The following PDSS2 variants were observed in gnomAD, a reference collection of about 807,000 sequenced individuals.
PDSS2 encodes the protein decaprenyl diphosphate synthase subunit 2.
A neutral mutation model predicts 44.5 loss-of-function variants in PDSS2; 31 were observed. The observed-to-expected ratio is 0.70, with a 90% CI of 0.52 to 0.94. The LOEUF is 0.94. PDSS2 is among the 40% of genes least tolerant of loss of function. PDSS2 has a pLI of 0.00. For missense variants in PDSS2, 452 were observed against 482.2 expected (o/e 0.94, Z 0.59); for synonymous variants, 157 against 180.3 (o/e 0.87, Z 1.03).
chr6:107,372,983 C>CT (rs11330558), intron 1 of PDSS2, among the ~76,000 whole-genome samples: 249 of 136,046 alleles, frequency 1.8e-3, no homozygotes, highest in Middle Eastern at 7.7e-3. Context: ...GTCTAATAAT[C>CT]TTTTTTTTTT....
At chr6:107,307,554 G>C (rs1776901326) in intron 2 of PDSS2, among the ~76,000 whole-genome samples, 1 of 151,630 alleles carries the variant, frequency 6.6e-6, no homozygotes, top group Non-Finnish European at 1.5e-5. Context: ...GCAGTTGAGA[G>C]GGTGGCTGTC....
intron 7 of PDSS2, among the ~76,000 whole-genome samples, chr6:107,157,959 C>G (rs1235404929): frequency 6.6e-6 from 1 of 152,158 alleles, no homozygotes; most frequent in Non-Finnish European, 1.5e-5. Flanking sequence ...GCATGAGCCA[C>G]TGCGCCCGAC....
intron 6 of PDSS2, among the ~76,000 whole-genome samples, chr6:107,210,055 G>A (rs1773143509): frequency 6.6e-6 from 1 of 151,964 alleles, no homozygotes; most frequent in Admixed American, 6.6e-5. Flanking sequence ...GCTGACAGAC[G>A]GAGCTCCTGG....
intron 1 of PDSS2, among the ~76,000 whole-genome samples, chr6:107,341,536 A>G (rs1199100610): frequency 6.6e-6 from 1 of 152,200 alleles, no homozygotes; most frequent in Non-Finnish European, 1.5e-5. Flanking sequence ...CTTTTAGGTG[A>G]GAGAGAAAAG....
chr6:107,369,638 G>A (rs1227095712), intron 1 of PDSS2, among the ~76,000 whole-genome samples: 2 of 152,226 alleles, frequency 1.3e-5, no homozygotes, highest in South Asian at 2.1e-4. Context: ...ACAAAAGGAC[G>A]TTTAACTGCA....
chr6:107,274,338 T>C, intron 2 of PDSS2, 111 bp from the exon 3 acceptor site: 1 of 824,012 alleles, frequency 1.2e-6, no homozygotes, highest in Middle Eastern at 3.4e-4. Flanking sequence ...CCCACTTTTT[T>C]TTTTGGATTA....
At chr6:107,368,239 A>G (rs1467956543) in intron 1 of PDSS2, among the ~76,000 whole-genome samples, 1 of 151,084 alleles carries the variant, frequency 6.6e-6, no homozygotes, top group Non-Finnish European at 1.5e-5. Context: ...ACTGCACTCC[A>G]GCCTGGTGAC....
intron 1 of PDSS2, among the ~76,000 whole-genome samples, chr6:107,457,092 G>A (rs609457): frequency 0.78 from 118,023 of 152,108 alleles, 46,109 homozygotes; most frequent in Non-Finnish European, 0.83. Flanking sequence ...AACTGGGAAC[G>A]ATGCCAAGGA....
intron 1 of PDSS2, among the ~76,000 whole-genome samples, chr6:107,345,519 CAT>C (rs1196328171): frequency 1.3e-5 from 2 of 151,346 alleles, no homozygotes; most frequent in Non-Finnish European, 1.5e-5. Context: ...TTACTCATAA[CAT>C]ATTATGAAGA....
intron 1 of PDSS2, among the ~76,000 whole-genome samples, chr6:107,419,894 T>A (rs1201796810): frequency 6.6e-6 from 1 of 152,216 alleles, no homozygotes; most frequent in African/African-American, 2.4e-5. Context: ...TTGATCTCCA[T>A]AGCAACTGTA....
chr6:107,454,206 C>A (rs1448372315), intron 1 of PDSS2, among the ~76,000 whole-genome samples: 1 of 151,014 alleles, frequency 6.6e-6, no homozygotes, highest in Non-Finnish European at 1.5e-5. Flanking sequence ...CACCAGCAAC[C>A]CGGATAATTT....
intron 2 of PDSS2, among the ~76,000 whole-genome samples, chr6:107,280,481 C>T (rs1440117733): frequency 6.6e-6 from 1 of 152,188 alleles, no homozygotes; most frequent in African/African-American, 2.4e-5. Context: ...AGATTTTTCA[C>T]CAAATCACTT....
intron 1 of PDSS2, among the ~76,000 whole-genome samples, chr6:107,390,015 C>T (rs1779731787): frequency 1.3e-5 from 2 of 151,892 alleles, no homozygotes; most frequent in Non-Finnish European, 2.9e-5. Flanking sequence ...AACAAAATAA[C>T]ATGTTAATGG....
chr6:107,183,011 G>C (rs1466918816), intron 7 of PDSS2, among the ~76,000 whole-genome samples: 1 of 151,988 alleles, frequency 6.6e-6, no homozygotes, highest in Non-Finnish European at 1.5e-5. Flanking sequence ...AGGAGTTTGA[G>C]ACCAGCCCAG....
At position 107,223,077 on chromosome 6, in the gene PDSS2, T is replaced by C. The variant is rs189553471; in HGVS notation, c.703-10795A>G. ...GATTCTCCTGCCTCAGCCTCCTGAG[T>C]AGCTGGGATTACAGGTGTGCGTCAC... On this transcript the variant is annotated intron_variant, in intron 4 of 7. Transcript: ENST00000369037. Among the ~76,000 whole-genome samples, 1,361 of 148,942 alleles carry C rather than the reference T, an allele frequency of 9.1e-3. 21 individuals carry two copies. The highest frequency in any genetic ancestry group is 0.033 in the African/African-American group (1,285 of 38,776).
intron 4 of PDSS2, among the ~76,000 whole-genome samples, chr6:107,213,500 C>G (rs1773300333): frequency 6.6e-6 from 1 of 152,006 alleles, no homozygotes; most frequent in Admixed American, 6.6e-5. Flanking sequence ...GTGGCTCATG[C>G]CTGTAATCCC....
At chr6:107,162,590 A>C (rs1484674671) in intron 7 of PDSS2, among the ~76,000 whole-genome samples, 10 of 101,936 alleles carry the variant, frequency 9.8e-5, no homozygotes, top group Non-Finnish European at 1.9e-4. Flanking sequence ...TTTTCTTTTT[A>C]TTTTGTCAAG....
At chr6:107,408,454 T>C (rs1780390911) in intron 1 of PDSS2, among the ~76,000 whole-genome samples, 1 of 152,188 alleles carries the variant, frequency 6.6e-6, no homozygotes, top group Non-Finnish European at 1.5e-5. Flanking sequence ...GCTATAGGGA[T>C]TGGAGTCCTC....
At chr6:107,326,743 C>G (rs1371712141) in intron 2 of PDSS2, among the ~76,000 whole-genome samples, 1 of 151,468 alleles carries the variant, frequency 6.6e-6, no homozygotes, top group African/African-American at 2.4e-5. Flanking sequence ...TCTCAGCTAC[C>G]TGGGAGGCTG....
Sources: allele counts gnomAD v4.1 joint callset (sites outside exome capture counted in the v4.1 genomes callset), GRCh38; gene constraint gnomAD v4.1.1; transcripts MANE v1.5; gene names NCBI Gene and HGNC (gene_info 2026-07-23, HGNC 2026-07-21).